CSMD2: variants seen among roughly 807,000 people sequenced by gnomAD.
CSMD2 encodes the protein CUB and sushi domain-containing protein 2.
CSMD2 carries 130 observed loss-of-function variants against 398.5 expected under a neutral mutation model. The ratio of observed to expected loss-of-function variants is 0.33; its 90% CI spans 0.28 to 0.38. The LOEUF (loss-of-function observed/expected upper bound fraction) is 0.38, where lower values mean the gene tolerates loss of function less well. CSMD2 is among the 10% of genes least tolerant of loss of function. The pLI, the probability that CSMD2 is intolerant of heterozygous loss-of-function variation, is 1.00. For missense variants in CSMD2, 3,829 were observed against 4,764.9 expected (o/e 0.80, Z 5.78); for synonymous variants, 1,828 against 1,908.5 (o/e 0.96, Z 1.10).
Position 33,577,329 on chromosome 1 carries a change from G to T in CSMD2, c.7543C>A (p.His2515Asn). ...AICTRHPQGY[H>N]LWSEAIPLCQ... ...AGAGGGATGGCTTCGCTCCACAGGT[G>T]GTAGCCCTGGGGGTGCCGGGTACAG... is the stretch of plus-strand genomic sequence containing the variant. The change falls in exon 49 of 71, where the codon CAC becomes AAC. Residue 2515 changes from histidine (H) to asparagine (N), a missense_variant. Around this residue, in one of 5 missense-constraint regions of CSMD2, gnomAD observed 723 missense variants for 758.6 expected, o/e 0.95. Transcript: ENST00000373381. 1.2e-6 allele frequency: 2 copies of T among 1,613,354 alleles called. No homozygotes were observed. Among genetic ancestry groups the T allele is most frequent in the Non-Finnish European group, 1.7e-6 (2 of 1,179,526 alleles).
At chr1:34,041,716 G>C (rs60929845) in intron 2 of CSMD2, among the ~76,000 whole-genome samples, 2,100 of 152,214 alleles carry the variant, frequency 0.014, 51 homozygotes, top group African/African-American at 0.048. Context: ...GGGTCCAACA[G>C]AGTTGGCAAG....
At chr1:33,828,577 C>A (rs555652611) in intron 6 of CSMD2, among the ~76,000 whole-genome samples, 1 of 152,276 alleles carries the variant, frequency 6.6e-6, no homozygotes, top group Non-Finnish European at 1.5e-5. Flanking sequence ...GAGGCCATTC[C>A]CAGGGGCAAA....
intron 2 of CSMD2, among the ~76,000 whole-genome samples, chr1:34,034,240 C>A (rs1650826338): frequency 6.6e-6 from 1 of 152,076 alleles, no homozygotes; most frequent in Non-Finnish European, 1.5e-5. Flanking sequence ...GCATGGAGTT[C>A]TGATGGTACT....
At chr1:34,082,260 T>G (rs1407181923) in intron 2 of CSMD2, among the ~76,000 whole-genome samples, 1 of 146,106 alleles carries the variant, frequency 6.8e-6, no homozygotes, top group African/African-American at 2.6e-5. Flanking sequence ...GTCTGGGAAC[T>G]GAGGAGCGCC....
chr1:33,996,570 A>T (rs2148016015), intron 3 of CSMD2, among the ~76,000 whole-genome samples: 1 of 152,332 alleles, frequency 6.6e-6, no homozygotes, highest in African/African-American at 2.4e-5. Flanking sequence ...ATGGACTGGA[A>T]GGAAAGGGTT....
At chr1:34,001,492 C>T (rs1022996085) in intron 3 of CSMD2, among the ~76,000 whole-genome samples, 1 of 152,126 alleles carries the variant, frequency 6.6e-6, no homozygotes, top group Non-Finnish European at 1.5e-5. Flanking sequence ...ATTCGAGCTC[C>T]GAGGAGAACT....
chr1:33,604,557 C>A lies in CSMD2; in HGVS notation c.6532+725G>T, dbSNP rs140485567. On this transcript the variant is annotated intron_variant, in intron 42 of 70. Coordinates refer to ENST00000373381, the MANE Select transcript of CSMD2 (RefSeq NM_001281956.2). ...AGCCTGGGGTGATCTGATCCTAGAG[C>A]TGGGGCACTCTTTCCTGGATTACTG... Among the ~76,000 whole-genome samples, 388 of 152,172 alleles carry A rather than the reference C, an allele frequency of 2.5e-3. 1 individual carries two copies. Among genetic ancestry groups the A allele is most frequent in the African/African-American group, 8.8e-3 (364 of 41,528 alleles).
chr1:33,608,997 G>A (rs532329979), intron 41 of CSMD2, among the ~76,000 whole-genome samples: 1 of 152,168 alleles, frequency 6.6e-6, no homozygotes, highest in African/African-American at 2.4e-5. Context: ...ACGGCCATCC[G>A]ACGCGTCATG....
chr1:34,098,961 TG>T (rs1327907739), intron 1 of CSMD2, among the ~76,000 whole-genome samples: 1 of 152,096 alleles, frequency 6.6e-6, no homozygotes, highest in Non-Finnish European at 1.5e-5. Flanking sequence ...AAAAGTAATA[TG>T]GTGAATATAG....
chr1:33,705,642 T>A (rs1645750311), intron 22 of CSMD2, among the ~76,000 whole-genome samples: 1 of 152,072 alleles, frequency 6.6e-6, no homozygotes, highest in Non-Finnish European at 1.5e-5. Context: ...GTCATTGTTT[T>A]TTTTTCAGAT....
At chr1:33,783,910 C>T (rs1653168005) in intron 12 of CSMD2, among the ~76,000 whole-genome samples, 1 of 152,168 alleles carries the variant, frequency 6.6e-6, no homozygotes, top group Non-Finnish European at 1.5e-5. Context: ...CGAAGCCCAT[C>T]ATTCTCACAC....
At chr1:33,579,134 G>A (rs557221121) in intron 48 of CSMD2, among the ~76,000 whole-genome samples, 37 of 152,176 alleles carry the variant, frequency 2.4e-4, no homozygotes, top group African/African-American at 8.0e-4. Flanking sequence ...CCCCAAACAC[G>A]TTAGAACATC....
chr1:33,732,418 T>C (rs1646749848), intron 15 of CSMD2, among the ~76,000 whole-genome samples: 1 of 152,050 alleles, frequency 6.6e-6, no homozygotes, highest in Non-Finnish European at 1.5e-5. Context: ...TTAAATGAGG[T>C]CATGAGGATA....
chr1:33,941,147 A>G (rs1012617447), intron 3 of CSMD2, among the ~76,000 whole-genome samples: 13 of 152,224 alleles, frequency 8.5e-5, no homozygotes, highest in Admixed American at 7.2e-4. Flanking sequence ...AGTGCCTGAC[A>G]TTGAACAATT....
intron 1 of CSMD2, among the ~76,000 whole-genome samples, chr1:34,141,396 G>A (rs1253576754): frequency 6.6e-6 from 1 of 152,138 alleles, no homozygotes. Context: ...CCTATGTTGG[G>A]TGGTTCTAAG....
chr1:33,605,940 A>G (rs776964100), intron 41 of CSMD2: 8 of 1,613,876 alleles, frequency 5.0e-6, no homozygotes, highest in African/African-American at 1.3e-5. Context: ...CAACTCCGAG[A>G]GATCAAAACC....
intron 10 of CSMD2, among the ~76,000 whole-genome samples, chr1:33,795,899 C>T (rs1654895152): frequency 6.6e-6 from 1 of 152,248 alleles, no homozygotes; most frequent in African/African-American, 2.4e-5. Flanking sequence ...TTGCTAGGCT[C>T]TCAGACCCCT....
Position 33,636,635 on chromosome 1 carries a change from GAGAACCCGACTTTAATTAGCCAC to G in CSMD2, c.4775-104_4775-82del. 3 of 1,218,488 alleles carry G rather than the reference GAGAACCCGACTTTAATTAGCCAC, an allele frequency of 2.5e-6. No individual in the cohort carries two copies. In the Admixed American group the frequency reaches 6.0e-5, roughly 24 times the overall value. 75.5% of individuals were successfully genotyped at this position (1,218,488 alleles called of 1,614,324 possible). On this transcript the variant is annotated intron_variant, in intron 29 of 70. Coordinates refer to ENST00000373381, the MANE Select transcript of CSMD2 (RefSeq NM_001281956.2). This position sits in a 1 kb window ranked among gnomAD's most constrained non-coding sequence, Gnocchi z 4.8. ...ATTCTTGGGCTCCAGTGCCCATGAG[GAGAACCCGACTTTAATTAGCCAC>G]AGAGCACACGGGGATGCGTGACTGT...
chr1:33,981,003 T>C (rs1285437265), intron 3 of CSMD2, among the ~76,000 whole-genome samples: 1 of 152,034 alleles, frequency 6.6e-6, no homozygotes, highest in Non-Finnish European at 1.5e-5. Flanking sequence ...AAAAGTTACT[T>C]CAGAATAGAC....
Sources: allele counts gnomAD v4.1 joint callset (sites outside exome capture counted in the v4.1 genomes callset), GRCh38; gene constraint gnomAD v4.1.1; regional missense constraint gnomAD v4.1.1; non-coding constraint Gnocchi (gnomAD v3.1); transcripts MANE v1.5; gene names NCBI Gene and HGNC (gene_info 2026-07-23, HGNC 2026-07-21).